ADGRL3: variants seen among roughly 807,000 people sequenced by gnomAD.
The protein encoded by ADGRL3 is calcium-independent alpha-latrotoxin receptor 3.
Under a neutral mutation model 153.5 loss-of-function variants are expected in ADGRL3, and 62 were observed. The ratio of observed to expected loss-of-function variants is 0.40; its 90% confidence interval spans 0.33 to 0.50. The LOEUF is 0.50. ADGRL3 is among the 20% of genes least tolerant of loss of function. The probability of loss-of-function intolerance (pLI) is 0.47; values close to 1 mark genes in which losing one functional copy is unlikely to be tolerated. For missense variants in ADGRL3, 1,641 were observed against 1,859.4 expected (o/e 0.88, Z 2.16); for synonymous variants, 710 against 672.5 (o/e 1.06, Z -0.86).
chr4:61,471,421 A>C (rs530731829), intron 2 of ADGRL3, among the ~76,000 whole-genome samples: 2 of 151,980 alleles, frequency 1.3e-5, no homozygotes, highest in Middle Eastern at 3.4e-3. Context: ...TGATGTTAAT[A>C]GTATACAGAT....
At chr4:61,295,464 G>A (rs1268241789) in intron 1 of ADGRL3, among the ~76,000 whole-genome samples, 1 of 152,054 alleles carries the variant, frequency 6.6e-6, no homozygotes. Flanking sequence ...CACAGTCCCT[G>A]TGAATCGAGG....
Position 61,841,415 on chromosome 4 carries a change from C to T in ADGRL3, c.1480+27526C>T, listed in dbSNP as rs373262259. Among the ~76,000 whole-genome samples, 58 of 152,166 alleles carry T rather than the reference C, an allele frequency of 3.8e-4. 1 individual carries two copies. Among genetic ancestry groups the T allele is most frequent in the African/African-American group, 1.3e-3 (52 of 41,524 alleles). On this transcript the variant is annotated intron_variant, in intron 9 of 26. Coordinates refer to ENST00000683033, the MANE Select transcript of ADGRL3 (RefSeq NM_001387552.1). ...AGTCCAAATTACAGTAGCTTGTACC[C>T]GGGAGGAAACTCTTGAATTTTTCTG...
intron 9 of ADGRL3, among the ~76,000 whole-genome samples, chr4:61,820,402 A>G (rs1561304161): frequency 6.6e-6 from 1 of 152,308 alleles, no homozygotes; most frequent in East Asian, 1.9e-4. Context: ...TAAAATCACA[A>G]TACATTACAA....
At chr4:61,261,495 G>T (rs1437276966) in intron 1 of ADGRL3, among the ~76,000 whole-genome samples, 1 of 152,070 alleles carries the variant, frequency 6.6e-6, no homozygotes, top group Non-Finnish European at 1.5e-5. Context: ...TTGATGCACT[G>T]TTGGTTGAAT....
chr4:61,974,543 A>G (rs555249986), intron 17 of ADGRL3, among the ~76,000 whole-genome samples: 2 of 152,300 alleles, frequency 1.3e-5, no homozygotes, highest in South Asian at 4.1e-4. Context: ...AGAAATATTC[A>G]CTTTCTTGCT....
chr4:61,373,553 G>A (rs753583079), intron 1 of ADGRL3, among the ~76,000 whole-genome samples: 14 of 152,092 alleles, frequency 9.2e-5, no homozygotes, highest in East Asian at 1.9e-4. Flanking sequence ...ACTTCAAAAC[G>A]AATTGATTAC....
chr4:61,851,797 A>G (rs987666266), intron 9 of ADGRL3, among the ~76,000 whole-genome samples: 3 of 152,110 alleles, frequency 2.0e-5, no homozygotes, highest in Non-Finnish European at 4.4e-5. Context: ...GTGCCATGTG[A>G]AACTGTTTAT....
At chr4:61,560,349 A>C (rs1021831575) in intron 4 of ADGRL3, among the ~76,000 whole-genome samples, 2 of 152,194 alleles carry the variant, frequency 1.3e-5, no homozygotes, top group Non-Finnish European at 2.9e-5. Context: ...GTCACCTGAA[A>C]TATAACAGCA....
Position 61,215,526 on chromosome 4 carries a change from G to A in ADGRL3, c.-240+13761G>A, listed in dbSNP as rs1742222159. On this transcript the variant is annotated intron_variant, in intron 1 of 26. Coordinates refer to ENST00000683033, the MANE Select transcript of ADGRL3 (RefSeq NM_001387552.1). ...ACATGGCAGTTTTGTAGCACATGCT[G>A]CCTTCTATTATGGAATTTTTTTTTT... 2.0e-5 allele frequency among the ~76,000 whole-genome samples: 3 copies of A among 148,342 alleles called. No individual in the cohort carries two copies. The Admixed American group carries it at 2.0e-4, about 10-fold the overall frequency.
intron 15 of ADGRL3, among the ~76,000 whole-genome samples, chr4:61,946,040 C>T (rs1452948840): frequency 6.6e-6 from 1 of 152,074 alleles, no homozygotes; most frequent in South Asian, 2.1e-4. Flanking sequence ...CCAGTTTGGG[C>T]TATTAAGAAT....
chr4:61,478,289 T>G (rs1253056744), intron 2 of ADGRL3, among the ~76,000 whole-genome samples: 1 of 152,098 alleles, frequency 6.6e-6, no homozygotes. Context: ...TGTGTTTGTT[T>G]AAAAGCATCT....
chr4:61,659,399 C>T (rs566262433), intron 5 of ADGRL3, among the ~76,000 whole-genome samples: 2 of 152,276 alleles, frequency 1.3e-5, no homozygotes, highest in Non-Finnish European at 2.9e-5. Flanking sequence ...TGCCTGTCCC[C>T]TCTAAGAGAT....
At chr4:61,860,691 A>G (rs1178053074) in intron 9 of ADGRL3, among the ~76,000 whole-genome samples, 4 of 152,180 alleles carry the variant, frequency 2.6e-5, no homozygotes, top group African/African-American at 9.7e-5. Context: ...CAGTGCAGTC[A>G]TATCTCAGAA....
chr4:61,818,204 C>T (rs1246357007), intron 9 of ADGRL3, among the ~76,000 whole-genome samples: 2 of 152,090 alleles, frequency 1.3e-5, no homozygotes, highest in Non-Finnish European at 2.9e-5. Flanking sequence ...TAGATAAGTA[C>T]AGCCATTCCA....
chr4:61,657,266 G>A (rs2094466499), intron 5 of ADGRL3, among the ~76,000 whole-genome samples: 1 of 152,028 alleles, frequency 6.6e-6, no homozygotes, highest in Non-Finnish European at 1.5e-5. Context: ...AGGGAATGCT[G>A]CAGAAGGAAA....
intron 1 of ADGRL3, among the ~76,000 whole-genome samples, chr4:61,203,002 A>C (rs1489438861): frequency 6.6e-6 from 1 of 152,080 alleles, no homozygotes; most frequent in Non-Finnish European, 1.5e-5. Context: ...TGGCGAGGAA[A>C]CCTTGCCGTG....
chr4:61,674,167 T>C (rs2095107024), intron 5 of ADGRL3, among the ~76,000 whole-genome samples: 1 of 151,020 alleles, frequency 6.6e-6, no homozygotes, highest in Non-Finnish European at 1.5e-5. Flanking sequence ...GATAGATAGA[T>C]AGATAGATAG....
intron 8 of ADGRL3, among the ~76,000 whole-genome samples, chr4:61,760,092 A>C (rs1036789569): frequency 6.6e-6 from 1 of 151,370 alleles, no homozygotes; most frequent in Admixed American, 6.6e-5. Flanking sequence ...CCTCCCAGTT[A>C]GGCTACTCAG....
At chr4:61,854,852 G>T (rs1372722030) in intron 9 of ADGRL3, among the ~76,000 whole-genome samples, 2 of 152,158 alleles carry the variant, frequency 1.3e-5, no homozygotes, top group Admixed American at 6.5e-5. Flanking sequence ...GATCAAAATG[G>T]TATTTCACCT....
Sources: allele counts gnomAD v4.1 joint callset (sites outside exome capture counted in the v4.1 genomes callset), GRCh38; gene constraint gnomAD v4.1.1; transcripts MANE v1.5; gene names NCBI Gene and HGNC (gene_info 2026-07-23, HGNC 2026-07-21).